The following METTL8 variants were observed in gnomAD, a reference collection of about 807,000 sequenced individuals.
METTL8 encodes the protein tRNA N(3)-cytidine methyltransferase METTL8, mitochondrial.
Under a neutral mutation model 48.7 loss-of-function variants are expected in METTL8, and 32 were observed. The observed-to-expected ratio is 0.66, with a 90% CI of 0.50 to 0.88. The LOEUF (loss-of-function observed/expected upper bound fraction) is 0.88. METTL8 is among the 40% of genes least tolerant of loss of function. The probability of loss-of-function intolerance (pLI) is 0.00; values close to 1 mark genes in which losing one functional copy is unlikely to be tolerated. For missense variants in METTL8, 464 were observed against 474.4 expected (o/e 0.98, Z 0.20); for synonymous variants, 136 against 157.1 (o/e 0.87, Z 1.01).
At chr2:171,381,770 A>G (rs1027917289) in intron 2 of METTL8, among the ~76,000 whole-genome samples, 11 of 150,248 alleles carry the variant, frequency 7.3e-5, no homozygotes, top group Non-Finnish European at 1.5e-5. Flanking sequence ...GCTGTGGACA[A>G]TTAGGAACAC....
At position 171,392,207 on chromosome 2, in the gene METTL8, T is replaced by A. The variant is rs1388983645; in HGVS notation, c.-12-10A>T. 1.3e-6 allele frequency: 2 copies of A among 1,546,252 alleles called. No homozygotes were observed. The highest frequency in any genetic ancestry group is 2.4e-5 in the South Asian group (2 of 83,480). On this transcript the variant is annotated splice_polypyrimidine_tract_variant and intron_variant, in intron 1 of 9. Coordinates refer to ENST00000375258, the MANE Select transcript of METTL8 (RefSeq NM_001321154.2). ...TCATCCTAAGCAGTACCTAAAAAGT[T>A]ACAAATGATTAATTAGTCAACATAG... is the stretch of plus-strand genomic sequence containing the variant.
chr2:171,390,787 TGAACACTGTGGAAATCACAACAAA>T (rs2105559832), intron 2 of METTL8, among the ~76,000 whole-genome samples: 1 of 152,274 alleles, frequency 6.6e-6, no homozygotes, highest in African/African-American at 2.4e-5. Flanking sequence ...GAAGACAGTG[TGAACACTGTGGAAATCACAACAAA>T]GAATTTAGAC....
intron 2 of METTL8, among the ~76,000 whole-genome samples, chr2:171,384,122 C>T (rs1253587686): frequency 6.6e-6 from 1 of 152,164 alleles, no homozygotes; most frequent in Admixed American, 6.5e-5. Context: ...AACAAAGTGC[C>T]AATACATGCT....
chr2:171,409,347 T>G (rs1465267026), intron 1 of METTL8, among the ~76,000 whole-genome samples: 3 of 151,974 alleles, frequency 2.0e-5, no homozygotes, highest in South Asian at 4.1e-4. Flanking sequence ...TCCGGAAACA[T>G]TTCTAAGGGG....
At chr2:171,434,590 C>T (rs1229235381), upstream of METTL8, 1 of 1,527,888 alleles carries the variant, frequency 6.5e-7, no homozygotes, top group South Asian at 1.2e-5. Flanking sequence ...GGGCCCGACC[C>T]GGAAGCCCAA....
chr2:171,349,915 C>T (rs1211328223), intron 3 of METTL8, among the ~76,000 whole-genome samples: 1 of 151,592 alleles, frequency 6.6e-6, no homozygotes, highest in Non-Finnish European at 1.5e-5. Flanking sequence ...AATTTAATAC[C>T]TTCTAATCAG....
chr2:171,363,817 T>TATATATATATATGTATATATATATATA (rs1228494441), intron 2 of METTL8, among the ~76,000 whole-genome samples: 1 of 129,058 alleles, frequency 7.7e-6, no homozygotes, highest in African/African-American at 2.9e-5. Flanking sequence ...TATATATATC[T>TATATATATATATGTATATATATATATA]TTTTTTTTTT....
In METTL8 at chr2:171,319,657, C is replaced by T. The variant is rs1199994249; in HGVS notation, c.*4515G>A. Reference sequence around the variant, plus strand: ...GAGAGAGGCAAAGCAAATAAGTTCTCAGAAGTCAATGTTAAATGGGTGTTT... The same window carrying T: ...GAGAGAGGCAAAGCAAATAAGTTCTTAGAAGTCAATGTTAAATGGGTGTTT... On this transcript the variant is annotated 3_prime_UTR_variant, in exon 10 of 10. Transcript: ENST00000375258. 1 of 152,216 alleles carries T rather than the reference C, an allele frequency of 6.6e-6. No homozygotes were observed. The highest frequency in any genetic ancestry group is 1.5e-5 in the Non-Finnish European group (1 of 68,044). The allele number at this position is 152,216 out of a possible 1,614,324, so 9.4% of individuals were successfully genotyped here.
chr2:171,317,069 G>C lies in METTL8; in HGVS notation c.*7103C>G, dbSNP rs1684297478. On this transcript the variant is annotated 3_prime_UTR_variant, in exon 10 of 10. Coordinates refer to ENST00000375258, the MANE Select transcript of METTL8 (RefSeq NM_001321154.2). ...TAGTGTTGCTTGTGCTAAGTACAGA[G>C]CATTAAAAACAAAAAACAAAAAAGC... Among the ~76,000 whole-genome samples the C allele has an allele frequency of 6.6e-6, 1 of 152,144 alleles. No individual in the cohort carries two copies. Among genetic ancestry groups the C allele is most frequent in the South Asian group, 2.1e-4 (1 of 4,834 alleles).
chr2:171,397,681 C>T (rs1689246995), intron 1 of METTL8, among the ~76,000 whole-genome samples: 2 of 151,604 alleles, frequency 1.3e-5, no homozygotes, highest in Non-Finnish European at 2.9e-5. Flanking sequence ...TCTGGCAAGA[C>T]TGATATCAAA....
At chr2:171,404,101 G>A (rs865867459) in intron 1 of METTL8, among the ~76,000 whole-genome samples, 143 of 50,726 alleles carry the variant, frequency 2.8e-3, no homozygotes, top group Middle Eastern at 0.014. Flanking sequence ...ATATATATAT[G>A]ATAGTTTAAC....
chr2:171,353,861 A>G (rs1040442243), intron 3 of METTL8, among the ~76,000 whole-genome samples: 13 of 152,130 alleles, frequency 8.5e-5, no homozygotes, highest in African/African-American at 2.9e-4. Context: ...GTCTCTGCAC[A>G]TGAGATGGGT....
At chr2:171,349,774 C>A (rs916454073) in intron 3 of METTL8, among the ~76,000 whole-genome samples, 1 of 152,118 alleles carries the variant, frequency 6.6e-6, no homozygotes, top group Non-Finnish European at 1.5e-5. Flanking sequence ...ATTTTACAAT[C>A]TTACCAACAA....
At position 171,400,452 on chromosome 2, in the gene METTL8, C is replaced by T. The variant is rs146190760; in HGVS notation, c.-12-8255G>A. On this transcript the variant is annotated intron_variant, in intron 1 of 9. Transcript: ENST00000375258. ...TTTAAGGAGGCCCAGAATTCCTTCT[C>T]TCCCTTCATCTCTCAACTCTGTTTT... Among the ~76,000 whole-genome samples, 211 of 152,258 alleles carry T rather than the reference C, an allele frequency of 1.4e-3. 4 individuals are homozygous for T. The East Asian group carries it at 0.015, about 11-fold the overall frequency.
At chr2:171,362,520 A>G (rs184721172) in intron 2 of METTL8, among the ~76,000 whole-genome samples, 164 of 152,144 alleles carry the variant, frequency 1.1e-3, no homozygotes, top group Middle Eastern at 3.4e-3. Context: ...TGACCTGGCT[A>G]TAAATACACC....
chr2:171,326,005 A>G (rs1314575409), intron 8 of METTL8, 37 bp downstream of exon 8: 1 of 1,382,428 alleles, frequency 7.2e-7, no homozygotes. Flanking sequence ...ATTCTTTAGA[A>G]CATTTAAAAA....
intron 2 of METTL8, among the ~76,000 whole-genome samples, chr2:171,373,041 T>A (rs1686538117): frequency 6.6e-6 from 1 of 152,238 alleles, no homozygotes; most frequent in Non-Finnish European, 1.5e-5. Flanking sequence ...TAGTTCTAGA[T>A]CCTTGAGGAA....
intron 4 of METTL8, among the ~76,000 whole-genome samples, chr2:171,338,458 C>A (rs530351304): frequency 2.6e-5 from 4 of 151,722 alleles, no homozygotes; most frequent in African/African-American, 7.3e-5. Context: ...GCCAACGTGG[C>A]GAAACCCTGT....
Position 171,326,081 on chromosome 2 carries a change from A to T in METTL8, c.928T>A (p.Tyr310Asn). The T allele has an allele frequency of 1.9e-6, 3 of 1,549,368 alleles. No individual in the cohort carries two copies. Among genetic ancestry groups the T allele is most frequent in the Non-Finnish European group, 1.7e-6 (2 of 1,145,488 alleles). Residue 310 changes from tyrosine (Y) to asparagine (N), a missense_variant, in exon 8 of 10, where the codon TAT (tyrosine) becomes AAT (asparagine). Tyr to Asn is a moderately radical substitution (Grantham distance 143). Coordinates refer to ENST00000375258, the MANE Select transcript of METTL8 (RefSeq NM_001321154.2). ...AGCTGAGTCTTATCATATCTTCCAT[A>T]GTCTCGAAATAACAGCATTCCCCCA... Reference protein sequence around the residue: ...KPGGMLLFRDYGRYDKTQLRF... With the variant: ...KPGGMLLFRDNGRYDKTQLRF...
Sources: gnomAD v4.1 joint callset for allele counts (sites outside exome capture counted in the v4.1 genomes callset) on GRCh38, gnomAD v4.1.1 for gene constraint, MANE v1.5 for transcripts, NCBI Gene and HGNC (gene_info 2026-07-23, HGNC 2026-07-21) for gene names.